The following PAXIP1 variants were observed in gnomAD, a reference collection of about 807,000 sequenced individuals.
PAXIP1 encodes the protein PAX interacting protein 1, also known as PAX-interacting protein 1.
In PAXIP1, 19 loss-of-function variants were observed where a neutral mutation model predicts 140.6. The ratio of observed to expected loss-of-function variants is 0.14; its 90% CI spans 0.09 to 0.20. The LOEUF (loss-of-function observed/expected upper bound fraction) is 0.20. PAXIP1 is among the 10% of genes least tolerant of loss of function. The pLI is 1.00. For missense variants in PAXIP1, 920 were observed against 1,208.6 expected, an observed-to-expected ratio of 0.76 and a Z score of 3.54; for synonymous variants, 442 against 444.6, an observed-to-expected ratio of 0.99 and a Z score of 0.07.
chr7:154,945,696 G>A, intron 20 of PAXIP1: 1 of 985,420 alleles, frequency 1.0e-6, no homozygotes, highest in Non-Finnish European at 1.2e-6. Flanking sequence ...CTCTGCAATG[G>A]GAAACGGAAG....
At chr7:154,961,937 C>T (rs541273758) in intron 10 of PAXIP1, among the ~76,000 whole-genome samples, 1 of 152,326 alleles carries the variant, frequency 6.6e-6, no homozygotes, top group African/African-American at 2.4e-5. Context: ...TTATAAAGCA[C>T]GTAACCACGA....
chr7:154,958,995 G>C (rs1245344564), intron 13 of PAXIP1, among the ~76,000 whole-genome samples: 1 of 152,230 alleles, frequency 6.6e-6, no homozygotes, highest in South Asian at 2.1e-4. Context: ...CTAGCAAGAA[G>C]AAAACAAGAC....
At chr7:154,944,982 CTTT>C (rs11344042) in intron 20 of PAXIP1, 169 of 128,932 alleles carry the variant, frequency 1.3e-3, no homozygotes, top group Admixed American at 1.7e-3. Context: ...AATTTTACTT[CTTT>C]TTTTTTTTTT....
chr7:154,973,479 G>A lies in PAXIP1; in HGVS notation c.1074+2217C>T, dbSNP rs1010566125. 1.3e-5 allele frequency among the ~76,000 whole-genome samples: 2 copies of A among 152,052 alleles called. No homozygotes were observed. The highest frequency in any genetic ancestry group is 2.9e-5 in the Non-Finnish European group (2 of 68,008). On this transcript the variant is annotated intron_variant, in intron 6 of 20. Coordinates refer to ENST00000404141, the MANE Select transcript of PAXIP1 (RefSeq NM_007349.4). The surrounding 1 kb of genome is among the most constrained non-coding windows in gnomAD (Gnocchi z 4.0). ...AAAATCTTCTATTCTCCTCAAACCC[G>A]ATGACCTTCTCTCTCTGCTCACCTT...
Position 154,945,674 on chromosome 7 carries a change from T to C in PAXIP1, c.3194+691A>G, listed in dbSNP as rs1054321400. ...CAGGGAGAAGTCCTGAGAACAGCCC[T>C]GAGAGAAGGTGCTCTGCAATGGGAA... On this transcript the variant is annotated intron_variant, in intron 20 of 20. Coordinates refer to ENST00000404141, the MANE Select transcript of PAXIP1 (RefSeq NM_007349.4). 3.0e-6 allele frequency: 3 copies of C among 985,388 alleles called. 1 individual carries two copies. The highest frequency in any genetic ancestry group is 5.2e-4 in the Middle Eastern group (1 of 1,914). 61.0% of individuals were successfully genotyped at this position (985,388 alleles called of 1,614,324 possible).
intron 1 of PAXIP1, chr7:155,000,951 C>T (rs1810860131): frequency 6.6e-6 from 1 of 152,226 alleles, no homozygotes; most frequent in Admixed American, 6.5e-5. Context: ...ATCTGCTACA[C>T]CTTGTACTGT....
intron 4 of PAXIP1, among the ~76,000 whole-genome samples, chr7:154,990,622 A>G (rs1192481106): frequency 6.6e-6 from 1 of 152,170 alleles, no homozygotes; most frequent in Non-Finnish European, 1.5e-5. Flanking sequence ...TATAGATTCT[A>G]AATTTGTTTC....
chr7:154,944,090 C>CCAGCCAGA lies in PAXIP1; in HGVS notation c.*51_*58dup. On this transcript the variant is annotated 3_prime_UTR_variant, in exon 21 of 21. Coordinates refer to ENST00000404141, the MANE Select transcript of PAXIP1 (RefSeq NM_007349.4). ...GTGAAGGAAGCGCAGCAGCTCCTCG[C>CCAGCCAGA]CAGCCAGACAGCCAGCCCCGCACCG... 4 of 1,590,674 alleles carry CCAGCCAGA rather than the reference C, an allele frequency of 2.5e-6. No individual in the cohort carries two copies. Among genetic ancestry groups the CCAGCCAGA allele is most frequent in the Non-Finnish European group, 3.4e-6 (4 of 1,161,352 alleles).
At chr7:155,001,548 A>G (rs1810890216) in intron 1 of PAXIP1, 1 of 147,798 alleles carries the variant, frequency 6.8e-6, no homozygotes. Context: ...CCCAGGCTGG[A>G]GTGCAGTGGC....
chr7:154,952,108 T>C (rs1243364719), intron 16 of PAXIP1: 3 of 152,250 alleles, frequency 2.0e-5, no homozygotes, highest in East Asian at 3.8e-4. Context: ...CTGCCTTCAT[T>C]GTTAAGTTTT....
intron 2 of PAXIP1, among the ~76,000 whole-genome samples, chr7:154,995,843 A>G (rs1810575463): frequency 6.6e-6 from 1 of 152,210 alleles, no homozygotes; most frequent in Admixed American, 6.5e-5. Flanking sequence ...TGTCTGAAAA[A>G]AAATTAAATA....
rs1807801092 is a variant in PAXIP1 at position 154,943,822 on chromosome 7, G to A, written c.*327C>T. 3.5e-6 allele frequency: 1 copy of A among 284,204 alleles called. No individual in the cohort carries two copies. Among genetic ancestry groups the A allele is most frequent in the Admixed American group, 4.7e-5 (1 of 21,312 alleles). 17.6% of individuals were successfully genotyped at this position (284,204 alleles called of 1,614,324 possible). ...ACATCCATAATTTAGAGATAGCAAGGTCTTTATTTACACCATTTTATTTCT... is the reference window on the plus strand; with the variant it reads ...ACATCCATAATTTAGAGATAGCAAGATCTTTATTTACACCATTTTATTTCT... On this transcript the variant is annotated 3_prime_UTR_variant, in exon 21 of 21. Transcript: ENST00000404141.
intron 5 of PAXIP1, 93 bp from the exon 6 acceptor site, chr7:154,976,424 A>T: frequency 3.4e-6 from 5 of 1,474,652 alleles, no homozygotes; most frequent in Non-Finnish European, 4.5e-6. Flanking sequence ...CAGTCAAGGA[A>T]TGCAGTTGAA....
rs547010693 is a variant in PAXIP1, at chr7:154,998,849, GA to G, written c.82-66del. 5.5e-3 allele frequency: 7,650 copies of G among 1,381,854 alleles called. 32 individuals are homozygous for G. Among genetic ancestry groups the G allele is most frequent in the Non-Finnish European group, 7.0e-3 (6,966 of 998,454 alleles). The allele number at this position is 1,381,854 out of a possible 1,614,324, so 85.6% of individuals were successfully genotyped here. A position where few individuals can be genotyped will look rare whatever the true frequency, so the allele number is the denominator to read the frequency against. ...TACTGTACTGTACTCTTGAATTACA[GA>G]AATAATTATTGGGCATAATAGTACT... is the stretch of plus-strand genomic sequence containing the variant. On this transcript the variant is annotated intron_variant, in intron 1 of 20. Coordinates refer to ENST00000404141, the MANE Select transcript of PAXIP1 (RefSeq NM_007349.4).
intron 4 of PAXIP1, among the ~76,000 whole-genome samples, chr7:154,990,327 C>T (rs1289730706): frequency 6.6e-6 from 1 of 152,042 alleles, no homozygotes; most frequent in East Asian, 1.9e-4. Context: ...AGGCATGAGC[C>T]ACCATGCCCG....
intron 5 of PAXIP1, among the ~76,000 whole-genome samples, chr7:154,976,626 C>T (rs180954744): frequency 3.9e-5 from 6 of 152,296 alleles, no homozygotes; most frequent in African/African-American, 1.4e-4. Flanking sequence ...AAAAGTAGAG[C>T]TAGTAATCCT....
At chr7:154,972,561 C>T (rs1425802096) in intron 6 of PAXIP1, among the ~76,000 whole-genome samples, 1 of 152,180 alleles carries the variant, frequency 6.6e-6, no homozygotes, top group African/African-American at 2.4e-5. Flanking sequence ...CACTTTTTGA[C>T]ACCACAGATA....
intron 5 of PAXIP1, among the ~76,000 whole-genome samples, chr7:154,980,325 C>T (rs1809781019): frequency 6.6e-6 from 1 of 151,988 alleles, no homozygotes; most frequent in South Asian, 2.1e-4. Flanking sequence ...ATCATTACAA[C>T]AGATATACAA....
chr7:154,980,741 T>C (rs1243538537), intron 5 of PAXIP1, among the ~76,000 whole-genome samples: 1 of 152,218 alleles, frequency 6.6e-6, no homozygotes, highest in African/African-American at 2.4e-5. Context: ...CTTCATTGTC[T>C]TCTAGGGTAG....
Sources: gnomAD v4.1 joint callset for allele counts (sites outside exome capture counted in the v4.1 genomes callset) on GRCh38, gnomAD v4.1.1 for gene constraint, Gnocchi (gnomAD v3.1) non-coding constraint, MANE v1.5 for transcripts, NCBI Gene and HGNC (gene_info 2026-07-23, HGNC 2026-07-21) for gene names.